Variants in UTRN observed in about 807,000 individuals in gnomAD.
UTRN encodes utrophin.
Under a neutral mutation model 463.9 loss-of-function variants are expected in UTRN, and 283 were observed. The observed-to-expected ratio is 0.61, with a 90% CI of 0.55 to 0.67. The LOEUF (loss-of-function observed/expected upper bound fraction) is 0.67, where lower values mean the gene tolerates loss of function less well. Among genes scored for constraint, UTRN ranks in the 30% least tolerant of loss-of-function variants. The probability of loss-of-function intolerance (pLI) is 0.00; values close to 1 mark genes in which losing one functional copy is unlikely to be tolerated. For synonymous variants in UTRN, 1,442 were observed against 1,431.5 expected, an observed-to-expected ratio of 1.01 and a Z score of -0.17; for missense variants, 3,922 against 4,084.3, an observed-to-expected ratio of 0.96 and a Z score of 1.08.
intron 41 of UTRN, among the ~76,000 whole-genome samples, chr6:144,528,912 G>A (rs1254590506): frequency 6.6e-6 from 1 of 152,234 alleles, no homozygotes; most frequent in East Asian, 1.9e-4. Context: ...AGTAGAGAAA[G>A]ACCATCAGGT....
chr6:144,693,747 C>G (rs1465702238), intron 52 of UTRN, among the ~76,000 whole-genome samples: 1 of 151,878 alleles, frequency 6.6e-6, no homozygotes. Context: ...TTTTTTTTAT[C>G]CTGAGACGCT....
At chr6:144,377,592 T>C (rs573666231) in intron 2 of UTRN, among the ~76,000 whole-genome samples, 8 of 152,282 alleles carry the variant, frequency 5.3e-5, no homozygotes, top group African/African-American at 1.9e-4. Flanking sequence ...GTTGCTATTT[T>C]TTCTACCGGA....
chr6:144,301,740 G>A (rs2114533935), intron 2 of UTRN, among the ~76,000 whole-genome samples: 1 of 151,840 alleles, frequency 6.6e-6, no homozygotes, highest in South Asian at 2.1e-4. Flanking sequence ...TCACCACGTT[G>A]CCGAGGCTGG....
intron 2 of UTRN, among the ~76,000 whole-genome samples, chr6:144,331,426 G>A (rs1406095897): frequency 6.6e-6 from 1 of 152,080 alleles, no homozygotes; most frequent in African/African-American, 2.4e-5. Context: ...TCACTTCTCC[G>A]TGATGGAAAA....
chr6:144,347,954 C>A (rs984154256), intron 2 of UTRN, among the ~76,000 whole-genome samples: 1 of 151,394 alleles, frequency 6.6e-6, no homozygotes, highest in African/African-American at 2.4e-5. Flanking sequence ...AGTGATCCTC[C>A]CACCTCAGTC....
chr6:144,311,817 T>A (rs2114560005), intron 2 of UTRN: 1 of 152,330 alleles, frequency 6.6e-6, no homozygotes, highest in East Asian at 1.9e-4. Flanking sequence ...ATAGATTATA[T>A]GATGGTATTT....
chr6:144,319,031 T>C (rs1014534079), intron 2 of UTRN, among the ~76,000 whole-genome samples: 4 of 152,170 alleles, frequency 2.6e-5, no homozygotes, highest in African/African-American at 4.8e-5. Flanking sequence ...GTGGTACCAC[T>C]GCACTCCAGC....
intron 60 of UTRN, among the ~76,000 whole-genome samples, chr6:144,780,233 G>A (rs901072272): frequency 6.6e-6 from 1 of 152,090 alleles, no homozygotes; most frequent in African/African-American, 2.4e-5. Flanking sequence ...CAGGCGAAGA[G>A]AAAGAAGTTG....
intron 50 of UTRN, among the ~76,000 whole-genome samples, chr6:144,571,268 G>A (rs1036871810): frequency 6.6e-5 from 10 of 151,992 alleles, no homozygotes; most frequent in African/African-American, 2.4e-4. Context: ...CAGGGTTTGG[G>A]GAAGGATAAA....
At chr6:144,328,740 C>G (rs1776138881) in intron 2 of UTRN, among the ~76,000 whole-genome samples, 2 of 150,016 alleles carry the variant, frequency 1.3e-5, no homozygotes, top group African/African-American at 4.9e-5. Flanking sequence ...TATCTTCATC[C>G]CCCCTTCATT....
At chr6:144,628,648 ACT>A (rs1776192847) in intron 51 of UTRN, among the ~76,000 whole-genome samples, 2 of 152,282 alleles carry the variant, frequency 1.3e-5, no homozygotes, top group African/African-American at 4.8e-5. Flanking sequence ...TGGTTTACTA[ACT>A]CATATCCTAA....
intron 2 of UTRN, among the ~76,000 whole-genome samples, chr6:144,358,834 A>G (rs1279503303): frequency 3.3e-5 from 5 of 152,226 alleles, no homozygotes; most frequent in African/African-American, 1.2e-4. Context: ...ATCCATTTCT[A>G]TTTCTACCAT....
chr6:144,845,859 A>T lies in UTRN; in HGVS notation c.10271-946A>T, dbSNP rs562801929. Among the ~76,000 whole-genome samples the T allele has an allele frequency of 2.6e-5, 4 of 152,102 alleles. No individual in the cohort carries two copies. The South Asian group carries it at 8.3e-4, about 32-fold the overall frequency. ...TCCCTCCAGACGTTATAGGAAGGGT[A>T]CTCTTCATGCCTGCTCTTTTTTTCT... On this transcript the variant is annotated intron_variant, in intron 73 of 74. Transcript: ENST00000367545.
chr6:144,848,847 C>G (rs1782241675), intron 74 of UTRN, among the ~76,000 whole-genome samples: 1 of 152,136 alleles, frequency 6.6e-6, no homozygotes, highest in African/African-American at 2.4e-5. Flanking sequence ...AGTGAAGGAA[C>G]ATGACCTACG....
intron 2 of UTRN, among the ~76,000 whole-genome samples, chr6:144,374,945 CAAAAAAA>C (rs757547113): frequency 2.0e-5 from 1 of 49,220 alleles, no homozygotes; most frequent in Non-Finnish European, 4.3e-5. Context: ...GACTCCATCT[CAAAAAAA>C]AAAAAAAAAA....
chr6:144,640,251 T>C (rs948213609), intron 51 of UTRN, among the ~76,000 whole-genome samples: 12 of 152,120 alleles, frequency 7.9e-5, no homozygotes, highest in African/African-American at 2.7e-4. Context: ...TGAGAAGTAG[T>C]TCCCCACTGT....
intron 50 of UTRN, among the ~76,000 whole-genome samples, chr6:144,558,227 A>G (rs1799559762): frequency 6.6e-6 from 1 of 152,182 alleles, no homozygotes; most frequent in Admixed American, 6.6e-5. Flanking sequence ...TTTTAGTTAC[A>G]ATCTCTGAAG....
At chr6:144,801,123 G>A (rs1777665521) in intron 64 of UTRN, among the ~76,000 whole-genome samples, 1 of 152,150 alleles carries the variant, frequency 6.6e-6, no homozygotes. Flanking sequence ...GATGGTAAGT[G>A]ATATATTGTC....
intron 13 of UTRN, among the ~76,000 whole-genome samples, chr6:144,443,936 A>C (rs1268629261): frequency 6.6e-6 from 1 of 152,176 alleles, no homozygotes; most frequent in African/African-American, 2.4e-5. Context: ...CACAAAAAGT[A>C]GATATGTTTG....
Sources: gnomAD v4.1 joint callset for allele counts (sites outside exome capture counted in the v4.1 genomes callset) on GRCh38, gnomAD v4.1.1 for gene constraint, MANE v1.5 for transcripts, NCBI Gene and HGNC (gene_info 2026-07-23, HGNC 2026-07-21) for gene names.